FAM135B: variants seen among roughly 807,000 people sequenced by gnomAD.
FAM135B encodes the protein family with sequence similarity 135 member B, also known as protein FAM135B.
A neutral mutation model predicts 127.7 loss-of-function variants in FAM135B; 43 were observed. The ratio of observed to expected loss-of-function variants is 0.34; its 90% confidence interval spans 0.26 to 0.43. The LOEUF is 0.43. Ranked by LOEUF, FAM135B falls within the 20% of genes least tolerant of loss-of-function variation. The pLI, the probability that FAM135B is intolerant of heterozygous loss-of-function variation, is 1.00. For synonymous variants in FAM135B, 670 were observed against 665.1 expected, an observed-to-expected ratio of 1.01 and a Z score of -0.11; for missense variants, 1,558 against 1,725.6, an observed-to-expected ratio of 0.90 and a Z score of 1.72.
intron 7 of FAM135B, among the ~76,000 whole-genome samples, chr8:138,232,803 T>C (rs1022080513): frequency 6.6e-5 from 10 of 152,214 alleles, no homozygotes; most frequent in African/African-American, 2.4e-4. Context: ...TAAAAACTTT[T>C]AATTTGAAAT....
At chr8:138,276,300 A>G (rs992001113) in intron 3 of FAM135B, among the ~76,000 whole-genome samples, 1 of 152,190 alleles carries the variant, frequency 6.6e-6, no homozygotes, top group African/African-American at 2.4e-5. Context: ...AGCTAATCAA[A>G]TATTTGTCAG....
intron 1 of FAM135B, among the ~76,000 whole-genome samples, chr8:138,413,774 C>A (rs62527825): frequency 6.6e-6 from 1 of 151,966 alleles, no homozygotes; most frequent in South Asian, 2.1e-4. Flanking sequence ...TCAGCCTGCA[C>A]CCAGTTTGCT....
intron 1 of FAM135B, among the ~76,000 whole-genome samples, chr8:138,413,743 C>T (rs1244795567): frequency 2.0e-5 from 3 of 151,966 alleles, no homozygotes; most frequent in African/African-American, 4.8e-5. Context: ...AAAACTCACA[C>T]TCTTTCAACC....
Position 138,256,764 on chromosome 8 carries a change from A to G in FAM135B, c.298-5T>C, listed in dbSNP as rs373508142. 1 of 1,612,814 alleles carries G rather than the reference A, an allele frequency of 6.2e-7. No individual in the cohort carries two copies. The highest frequency in any genetic ancestry group is 8.5e-7 in the Non-Finnish European group (1 of 1,179,046). On this transcript the variant is annotated splice_region_variant and splice_polypyrimidine_tract_variant and intron_variant, in intron 4 of 19. Transcript: ENST00000395297. ...TTCACTCAGTGCGTCTTCCATCTGC[A>G]AAAGAAACAAAGTCCAAGGGATTTC...
intron 2 of FAM135B, among the ~76,000 whole-genome samples, chr8:138,351,941 C>T (rs75953533): frequency 0.024 from 3,646 of 152,184 alleles, 66 homozygotes; most frequent in East Asian, 0.12. Context: ...CTGTCCGCCT[C>T]GGCCTCCCAA....
Position 138,352,202 on chromosome 8 carries a change from T to G in FAM135B, c.77+15705A>C, listed in dbSNP as rs577584631. On this transcript the variant is annotated intron_variant, in intron 2 of 19. Transcript: ENST00000395297. ...GGCAATGAAGCTTTGCCAATTTGAC[T>G]GTTTAAAGGCCAAGATTTTTACTGG... Among the ~76,000 whole-genome samples the G allele has an allele frequency of 1.8e-3, 268 of 152,320 alleles. 3 individuals carry two copies. The highest frequency in any genetic ancestry group is 2.9e-3 in the Non-Finnish European group (194 of 68,022).
chr8:138,403,112 C>T (rs116410407), intron 1 of FAM135B, among the ~76,000 whole-genome samples: 1,852 of 152,284 alleles, frequency 0.012, 18 homozygotes, highest in African/African-American at 0.025. Context: ...TTAAGCCATC[C>T]TGTCTATGGT....
intron 1 of FAM135B, among the ~76,000 whole-genome samples, chr8:138,405,286 T>C (rs895431215): frequency 1.3e-5 from 2 of 151,510 alleles, no homozygotes; most frequent in African/African-American, 4.9e-5. Flanking sequence ...TAGTTACATA[T>C]GTATACATGT....
At chr8:138,200,655 T>G (rs190348232) in intron 7 of FAM135B, among the ~76,000 whole-genome samples, 1 of 152,338 alleles carries the variant, frequency 6.6e-6, no homozygotes, top group African/African-American at 2.4e-5. Flanking sequence ...AATTTTTTTC[T>G]TGTAGATTCT....
At chr8:138,169,396 A>G (rs1820227404) in intron 11 of FAM135B, among the ~76,000 whole-genome samples, 1 of 141,152 alleles carries the variant, frequency 7.1e-6, no homozygotes, top group African/African-American at 3.1e-5. Flanking sequence ...TCTTCTCTGA[A>G]TATTTAACTC....
intron 2 of FAM135B, among the ~76,000 whole-genome samples, chr8:138,319,202 G>A (rs527899508): frequency 6.6e-6 from 1 of 152,072 alleles, no homozygotes; most frequent in Non-Finnish European, 1.5e-5. Flanking sequence ...TGCCTCCCAG[G>A]TTCAAGCAAT....
chr8:138,229,142 A>G (rs772051575), intron 7 of FAM135B, among the ~76,000 whole-genome samples: 23 of 152,094 alleles, frequency 1.5e-4, no homozygotes, highest in Non-Finnish European at 5.9e-5. Context: ...TGTCTTCATT[A>G]CTAAGAGCAG....
At chr8:138,168,169 C>A in intron 11 of FAM135B, 120 bp from the exon 12 acceptor site, 2 of 1,168,358 alleles carry the variant, frequency 1.7e-6, no homozygotes, top group Non-Finnish European at 2.3e-6. Context: ...AATTGTCTGC[C>A]CATCATCCTT....
chr8:138,493,808 T>A lies in FAM135B; in HGVS notation c.-20+2863A>T, dbSNP rs369598259. Among the ~76,000 whole-genome samples the A allele has an allele frequency of 2.5e-4, 38 of 152,306 alleles. 1 individual carries two copies. The South Asian group carries it at 7.9e-3, about 32-fold the overall frequency. On this transcript the variant is annotated intron_variant, in intron 1 of 19. Coordinates refer to ENST00000395297, the MANE Select transcript of FAM135B (RefSeq NM_015912.4). ...TATTAATTCGCTCCAAAACTCGACA[T>A]CCCTGTGAGATGGGTATTCACATCC...
intron 3 of FAM135B, among the ~76,000 whole-genome samples, chr8:138,280,245 G>T (rs74566426): frequency 1.3e-5 from 2 of 152,296 alleles, no homozygotes; most frequent in East Asian, 3.9e-4. Context: ...TCTGAAAGTT[G>T]TAGTGTCACC....
chr8:138,303,412 G>A (rs1273059736), intron 3 of FAM135B, among the ~76,000 whole-genome samples: 1 of 151,972 alleles, frequency 6.6e-6, no homozygotes, highest in Admixed American at 6.6e-5. Flanking sequence ...AGGGAGGGGA[G>A]CATCACACAC....
intron 1 of FAM135B, among the ~76,000 whole-genome samples, chr8:138,484,168 A>G (rs1814896805): frequency 6.6e-6 from 1 of 152,150 alleles, no homozygotes; most frequent in Non-Finnish European, 1.5e-5. Context: ...TTTCAAGTAA[A>G]TGTGCCTGCA....
intron 5 of FAM135B, among the ~76,000 whole-genome samples, chr8:138,251,634 C>G (rs1449207520): frequency 6.6e-6 from 1 of 152,190 alleles, no homozygotes; most frequent in Non-Finnish European, 1.5e-5. Flanking sequence ...TCCCCAATGT[C>G]TGCTCCAATA....
intron 1 of FAM135B, among the ~76,000 whole-genome samples, chr8:138,434,777 A>C (rs943732901): frequency 2.0e-5 from 3 of 152,228 alleles, no homozygotes; most frequent in Non-Finnish European, 4.4e-5. Context: ...TACCAATCCC[A>C]CCAGCCTCTT....
Sources: gnomAD v4.1 joint callset for allele counts (sites outside exome capture counted in the v4.1 genomes callset) on GRCh38, gnomAD v4.1.1 for gene constraint, MANE v1.5 for transcripts, NCBI Gene and HGNC (gene_info 2026-07-23, HGNC 2026-07-21) for gene names.